Variants in KMT2C observed in about 807,000 individuals in gnomAD.
KMT2C encodes histone-lysine N-methyltransferase 2C.
A neutral mutation model predicts 507.9 loss-of-function variants in KMT2C; 88 were observed. The ratio of observed to expected loss-of-function variants is 0.17; its 90% CI spans 0.15 to 0.21. KMT2C has a LOEUF of 0.21. Among genes scored for constraint, KMT2C ranks in the 10% least tolerant of loss-of-function variants. The pLI is 1.00. For synonymous variants in KMT2C, 2,049 were observed against 2,080.8 expected (o/e 0.98, Z 0.42); for missense variants, 4,954 against 5,957.8 (o/e 0.83, Z 5.55).
intron 1 of KMT2C, chr7:152,402,861 TC>T (rs141377290): frequency 4.7e-3 from 646 of 138,640 alleles, no homozygotes; most frequent in Middle Eastern, 0.01. Flanking sequence ...TACTCTTTAC[TC>T]CCCTTTCACT....
chr7:152,280,497 G>A (rs866589003), intron 6 of KMT2C, among the ~76,000 whole-genome samples: 5 of 141,572 alleles, frequency 3.5e-5, no homozygotes, highest in South Asian at 4.3e-4. Context: ...GTTGCAGTGA[G>A]CCGAGACTGC....
Position 152,187,738 on chromosome 7 carries a change from T to C in KMT2C, c.4770A>G (p.Ala1590=). 6.2e-7 allele frequency: 1 copy of C among 1,614,118 alleles called. No homozygotes were observed. Among genetic ancestry groups the C allele is most frequent in the Non-Finnish European group, 8.5e-7 (1 of 1,180,008 alleles). ...ACCTGGCATCAGGATAAGAGGATTGTGCAATTGCAGAGAAAGTTCCCAGTC... is the reference window on the plus strand; with the variant it reads ...ACCTGGCATCAGGATAAGAGGATTGCGCAATTGCAGAGAAAGTTCCCAGTC... ...GSGLGTFSAI[A]QSSYPDARDK... Residue 1590 remains alanine (A), a synonymous_variant, in exon 32 of 59, where the codon GCA becomes GCG. Coordinates refer to ENST00000262189, the MANE Select transcript of KMT2C (RefSeq NM_170606.3).
chr7:152,221,287 T>G (rs547841335), intron 22 of KMT2C, among the ~76,000 whole-genome samples: 1 of 152,158 alleles, frequency 6.6e-6, no homozygotes, highest in African/African-American at 2.4e-5. Flanking sequence ...TCTATTTTCA[T>G]GTCCCAATAA....
At chr7:152,253,914 G>A (rs1469772730) in intron 9 of KMT2C, among the ~76,000 whole-genome samples, 3 of 152,078 alleles carry the variant, frequency 2.0e-5, no homozygotes, top group African/African-American at 4.8e-5. Flanking sequence ...AAAACCCTGG[G>A]TATCCCTGGG....
rs1391959733 is a variant in KMT2C at position 152,248,560 on chromosome 7, C to T, written c.1874G>A (p.Ser625Asn). ...TTCAGAAGACATTTTCAGGTCTTCA[C>T]TATCAACTTCATTAGAAATCTGTTT... is the stretch of plus-strand genomic sequence containing the variant. Reference protein sequence around the residue: ...LEKQISNEVDSEDLKMSSEVK... With the variant: ...LEKQISNEVDNEDLKMSSEVK... Residue 625 changes from serine to asparagine, a missense_variant, in exon 14 of 59, where the codon AGT becomes AAT. Ser to Asn is a conservative substitution (Grantham distance 46). Transcript: ENST00000262189. 2.5e-6 allele frequency: 4 copies of T among 1,613,704 alleles called. No individual in the cohort carries two copies. The highest frequency in any genetic ancestry group is 1.1e-5 in the South Asian group (1 of 91,078).
At position 152,174,790 on chromosome 7, in the gene KMT2C, GC is replaced by G. The variant is rs1364901689; in HGVS notation, c.9263-549del. Among the ~76,000 whole-genome samples the G allele has an allele frequency of 5.9e-5, 9 of 152,150 alleles. No homozygotes were observed. The East Asian group carries it at 1.7e-3, about 29-fold the overall frequency. ...AATAAGGCACACTGCTTAGACACGT[GC>G]CCTTTGATTGCTAATTCTTATTCTT... On this transcript the variant is annotated intron_variant, in intron 38 of 58. Coordinates refer to ENST00000262189, the MANE Select transcript of KMT2C (RefSeq NM_170606.3).
rs571360111 is a variant in KMT2C, at chr7:152,162,236, A to G, written c.11341T>C (p.Leu3781=). 4.5e-5 allele frequency: 73 copies of G among 1,614,112 alleles called. No individual in the cohort carries two copies. The highest frequency in any genetic ancestry group is 1.3e-4 in the South Asian group (12 of 91,080). The change falls in exon 43 of 59, where the codon TTG becomes CTG. Residue 3781 remains leucine (L), a synonymous_variant. Transcript: ENST00000262189. ...DSGNELLKHL[L]KNKKSSSLLN... ...AGAGAAGATGACTTTTTATTTTTCA[A>G]CAAGTGTTTCAGAAGTTCATTCCCT...
rs1039243925 is a variant in KMT2C, at chr7:152,241,263, G to A, written c.2533-2437C>T. Reference sequence around the variant, plus strand: ...CACCCAGGCTAGAGTGCGGTGGTGCGATCTCGGCTCACAGCAACCTCTACC... The same window carrying A: ...CACCCAGGCTAGAGTGCGGTGGTGCAATCTCGGCTCACAGCAACCTCTACC... On this transcript the variant is annotated intron_variant, in intron 14 of 58. Coordinates refer to ENST00000262189, the MANE Select transcript of KMT2C (RefSeq NM_170606.3). Among the ~76,000 whole-genome samples the A allele has an allele frequency of 3.3e-5, 5 of 152,072 alleles. No individual in the cohort carries two copies. In the South Asian group the frequency reaches 1.0e-3, roughly 32 times the overall value.
chr7:152,378,347 C>G (rs903313014), intron 1 of KMT2C, among the ~76,000 whole-genome samples: 1 of 152,242 alleles, frequency 6.6e-6, no homozygotes, highest in Non-Finnish European at 1.5e-5. Flanking sequence ...CAACCTTCAG[C>G]AATCACTGCT....
intron 23 of KMT2C, among the ~76,000 whole-genome samples, chr7:152,211,963 G>A (rs2094464323): frequency 6.6e-6 from 1 of 152,290 alleles, no homozygotes; most frequent in South Asian, 2.1e-4. Flanking sequence ...CAAGAGAATG[G>A]CACGAACCTG....
chr7:152,159,989 G>A (rs546477811), intron 43 of KMT2C, among the ~76,000 whole-genome samples: 1 of 152,316 alleles, frequency 6.6e-6, no homozygotes, highest in African/African-American at 2.4e-5. Flanking sequence ...GTAAGCCTCT[G>A]TAGGCCATAC....
chr7:152,251,307 T>C (rs1003474982), intron 11 of KMT2C, among the ~76,000 whole-genome samples: 3 of 152,172 alleles, frequency 2.0e-5, no homozygotes, highest in African/African-American at 7.2e-5. Context: ...AAAAGGTAAC[T>C]GGCACATTAT....
chr7:152,370,318 A>C (rs1395072313), intron 1 of KMT2C, among the ~76,000 whole-genome samples: 1 of 152,224 alleles, frequency 6.6e-6, no homozygotes, highest in African/African-American at 2.4e-5. Context: ...ACCCAAGATG[A>C]AATATGTAAC....
chr7:152,187,207 G>A (rs2093654217), intron 33 of KMT2C, 55 bp downstream of exon 33: 16 of 1,367,430 alleles, frequency 1.2e-5, no homozygotes, highest in South Asian at 5.0e-5. Flanking sequence ...AAAAAAAAAA[G>A]GTATTGCACA....
chr7:152,231,501 C>G, intron 16 of KMT2C, among the ~76,000 whole-genome samples: 1 of 152,290 alleles, frequency 6.6e-6, no homozygotes, highest in African/African-American at 2.4e-5. Flanking sequence ...GATTAACCAG[C>G]TGGGTGTGGT....
intron 1 of KMT2C, among the ~76,000 whole-genome samples, chr7:152,395,507 G>GTTTTA (rs2097532873): frequency 6.7e-6 from 1 of 149,480 alleles, no homozygotes. Flanking sequence ...GTTTTGTTTT[G>GTTTTA]TTTTGTTTTG....
In KMT2C at chr7:152,248,489, C is replaced by A. The variant is rs141009307; in HGVS notation, c.1945G>T (p.Val649Leu). The A allele has an allele frequency of 8.1e-6, 13 of 1,613,928 alleles. No homozygotes were observed. In the African/African-American group the frequency reaches 9.3e-5, roughly 12 times the overall value. ...GEDQIEDKME[V>L]TENIEVVTHQ... ...GTAACGACTTCAATGTTTTCTGTCA[C>A]TTCCATTTTATCTTCAATTTGATCT... The change falls in exon 14 of 59, where the codon GTG becomes TTG. Residue 649 changes from valine (V) to leucine (L), a missense_variant. Physicochemically the swap from Val to Leu is conservative, Grantham distance 32 (BLOSUM62 1). Coordinates refer to ENST00000262189, the MANE Select transcript of KMT2C (RefSeq NM_170606.3).
At chr7:152,299,435 C>G (rs1406272255) in intron 6 of KMT2C, among the ~76,000 whole-genome samples, 8 of 152,058 alleles carry the variant, frequency 5.3e-5, no homozygotes, top group African/African-American at 9.7e-5. Flanking sequence ...AGGAGACTCA[C>G]TTGAGCTCAG....
intron 44 of KMT2C, chr7:152,158,070 G>A (rs2092189837): frequency 2.4e-6 from 1 of 420,552 alleles, no homozygotes; most frequent in South Asian, 2.1e-5. Context: ...GCTGGAGTAA[G>A]TGAGAGAGAC....
Sources: allele counts gnomAD v4.1 joint callset (sites outside exome capture counted in the v4.1 genomes callset), GRCh38; gene constraint gnomAD v4.1.1; transcripts MANE v1.5; gene names NCBI Gene and HGNC (gene_info 2026-07-23, HGNC 2026-07-21).